TDRD1: variants seen among roughly 807,000 people sequenced by gnomAD.
The protein encoded by TDRD1 is tudor domain-containing protein 1.
In TDRD1, 37 loss-of-function variants were observed where a neutral mutation model predicts 140.6. That is an observed-to-expected ratio of 0.26 (90% CI 0.20 to 0.35). The LOEUF (loss-of-function observed/expected upper bound fraction) is 0.35, where lower values mean the gene tolerates loss of function less well. TDRD1 is among the 10% of genes least tolerant of loss of function. The pLI is 1.00. For synonymous variants in TDRD1, 506 were observed against 475.7 expected (o/e 1.06, Z -0.83); for missense variants, 1,243 against 1,393.0 (o/e 0.89, Z 1.71).
At chr10:114,181,237 T>G (rs892374433) in intron 1 of TDRD1, among the ~76,000 whole-genome samples, 1 of 152,256 alleles carries the variant, frequency 6.6e-6, no homozygotes, top group Non-Finnish European at 1.5e-5. Flanking sequence ...ACCTTTTATG[T>G]TAGCTGAATC....
chr10:114,213,845 G>C (rs975884490), intron 15 of TDRD1, 132 bp from the exon 16 acceptor site: 26 of 782,308 alleles, frequency 3.3e-5, no homozygotes, highest in Non-Finnish European at 5.1e-5. Flanking sequence ...CTGACTTTAC[G>C]GTTAATATTC....
chr10:114,186,716 A>C (rs2120124039), intron 1 of TDRD1, among the ~76,000 whole-genome samples: 1 of 152,256 alleles, frequency 6.6e-6, no homozygotes, highest in South Asian at 2.1e-4. Context: ...GCCCACCTGC[A>C]GTCATTCTGT....
intron 22 of TDRD1, among the ~76,000 whole-genome samples, chr10:114,226,671 A>G (rs1564698316): frequency 6.6e-6 from 1 of 152,226 alleles, no homozygotes; most frequent in African/African-American, 2.4e-5. Flanking sequence ...TTGGAATTTG[A>G]ACAAAGTGAA....
intron 21 of TDRD1, among the ~76,000 whole-genome samples, chr10:114,225,386 A>G (rs112593089): frequency 0.011 from 1,604 of 152,110 alleles, 19 homozygotes; most frequent in African/African-American, 0.037. Context: ...AATCGTTGAG[A>G]CTTCAGGGGT....
intron 9 of TDRD1, 36 bp downstream of exon 9, chr10:114,204,252 T>C: frequency 6.4e-7 from 1 of 1,556,606 alleles, no homozygotes; most frequent in Non-Finnish European, 8.6e-7. Flanking sequence ...TTTAATAGTG[T>C]CCCAAAGGAG....
chr10:114,225,872 A>C (rs934355722), intron 21 of TDRD1, among the ~76,000 whole-genome samples, 177 bp from the exon 22 acceptor site: 2 of 152,150 alleles, frequency 1.3e-5, no homozygotes, highest in Non-Finnish European at 2.9e-5. Flanking sequence ...AAAAAAAAAA[A>C]ATTCTATTAC....
chr10:114,184,723 CTT>C (rs568509964), intron 1 of TDRD1, among the ~76,000 whole-genome samples: 169 of 152,266 alleles, frequency 1.1e-3, no homozygotes, highest in African/African-American at 3.8e-3. Context: ...TTCCTGGACT[CTT>C]TGCTATTTTG....
In TDRD1 at chr10:114,211,862, TCAGAGGATGA is replaced by T. The variant is rs1554943875; in HGVS notation, c.1661-3_1667del. 2.0e-6 allele frequency: 3 copies of T among 1,517,548 alleles called. No homozygotes were observed. In the Admixed American group the frequency reaches 7.4e-5, roughly 38 times the overall value. The allele number at this position is 1,517,548 out of a possible 1,614,324, so 94.0% of individuals were successfully genotyped here. ...ATTTGAGATTGAGTCTCTCCCTTTT[TCAGAGGATGA>T]TCAGTGGTACCGTGCCTCTGTTTTG... On this transcript the variant is annotated splice_acceptor_variant and splice_polypyrimidine_tract_variant and coding_sequence_variant and intron_variant, in exon 14 of 26. Transcript: ENST00000251864. LOFTEE classifies it high-confidence loss of function.
chr10:114,214,044 A>G, exon 16 of TDRD1: 1 of 1,612,496 alleles, frequency 6.2e-7, no homozygotes, highest in Non-Finnish European at 8.5e-7. Flanking sequence ...GTGTTGACCA[A>G]ACAGTAGATG....
intron 7 of TDRD1, 73 bp from the exon 8 acceptor site, chr10:114,203,315 T>TA: frequency 2.0e-6 from 3 of 1,533,024 alleles, no homozygotes; most frequent in Non-Finnish European, 2.6e-6. Context: ...GTGTCTTAGT[T>TA]ACAAAGCTTT....
intron 18 of TDRD1, among the ~76,000 whole-genome samples, chr10:114,218,858 G>A (rs1001408459): frequency 6.6e-6 from 1 of 152,182 alleles, no homozygotes; most frequent in South Asian, 2.1e-4. Context: ...CATACCTTCT[G>A]ACTTAGTAAT....
At chr10:114,231,981 T>C (rs2133251272) in exon 26 of TDRD1, 1 of 153,478 alleles carries the variant, frequency 6.5e-6, no homozygotes, top group East Asian at 1.9e-4. Flanking sequence ...TTTTATTTTC[T>C]GTCCGTTTGA....
At chr10:114,201,279 T>C (rs1483333740) in intron 4 of TDRD1, 131 bp from the exon 5 acceptor site, 1 of 689,912 alleles carries the variant, frequency 1.4e-6, no homozygotes, top group Non-Finnish European at 2.5e-6. Context: ...AGTTTAAAAG[T>C]ATAATCTGAA....
intron 14 of TDRD1, 113 bp downstream of exon 14, chr10:114,212,149 G>A: frequency 1.1e-6 from 1 of 917,842 alleles, no homozygotes; most frequent in Non-Finnish European, 1.6e-6. Context: ...ATGATCAGAT[G>A]CTTAAAAGTT....
At chr10:114,203,831 TGATAGTCTCATGG>T (rs2034924988) in intron 8 of TDRD1, among the ~76,000 whole-genome samples, 1 of 152,334 alleles carries the variant, frequency 6.6e-6, no homozygotes, top group African/African-American at 2.4e-5. Context: ...TATTAGTGTG[TGATAGTCTCATGG>T]GATAGAAGTA....
intron 1 of TDRD1, among the ~76,000 whole-genome samples, chr10:114,183,079 AAG>A (rs2119992327): frequency 6.6e-6 from 1 of 152,352 alleles, no homozygotes; most frequent in South Asian, 2.1e-4. Context: ...TTTTAAAAAT[AAG>A]AGTTCCTGCA....
intron 1 of TDRD1, among the ~76,000 whole-genome samples, chr10:114,181,894 T>G (rs555032811): frequency 6.6e-6 from 1 of 152,064 alleles, no homozygotes; most frequent in East Asian, 1.9e-4. Flanking sequence ...TGTATCCCAG[T>G]TGTGGTGGCT....
At chr10:114,187,879 A>G in exon 2 of TDRD1, 6 of 1,604,674 alleles carry the variant, frequency 3.7e-6, no homozygotes, top group Non-Finnish European at 5.1e-6. Context: ...ATAATTTGGA[A>G]GCACCTCCTT....
chr10:114,208,758 A>G (rs1362407380), intron 11 of TDRD1, among the ~76,000 whole-genome samples: 1 of 151,540 alleles, frequency 6.6e-6, no homozygotes, highest in Non-Finnish European at 1.5e-5. Flanking sequence ...TCTGACATAC[A>G]TTAGATGTTT....
Sources: gnomAD v4.1 joint callset for allele counts (sites outside exome capture counted in the v4.1 genomes callset) on GRCh38, gnomAD v4.1.1 for gene constraint, MANE v1.5 for transcripts, NCBI Gene and HGNC (gene_info 2026-07-23, HGNC 2026-07-21) for gene names.